Variants in SMOC2 observed in about 807,000 individuals in gnomAD.
SMOC2 encodes the protein SPARC related modular calcium binding 2.
In SMOC2, 39 loss-of-function variants were observed where a neutral mutation model predicts 61.4. The ratio of observed to expected loss-of-function variants is 0.64; its 90% CI spans 0.49 to 0.83. The LOEUF is 0.83. SMOC2 is among the 40% of genes least tolerant of loss of function. The probability of loss-of-function intolerance (pLI) is 0.00; values close to 1 mark genes in which losing one functional copy is unlikely to be tolerated. For missense variants in SMOC2, 556 were observed against 592.9 expected (o/e 0.94, Z 0.65); for synonymous variants, 247 against 239.9 (o/e 1.03, Z -0.27).
chr6:168,466,755 G>A (rs896806834), intron 1 of SMOC2, among the ~76,000 whole-genome samples: 2 of 152,246 alleles, frequency 1.3e-5, no homozygotes, highest in Non-Finnish European at 2.9e-5. Flanking sequence ...GGCCAAGGCC[G>A]GTGGAGGGAG....
intron 7 of SMOC2, among the ~76,000 whole-genome samples, chr6:168,591,104 C>T (rs980877586): frequency 1.3e-5 from 2 of 152,190 alleles, no homozygotes. Context: ...GAATTGAAAT[C>T]ATGTTTCTAT....
At chr6:168,542,157 G>C (rs1783888847) in intron 4 of SMOC2, among the ~76,000 whole-genome samples, 1 of 152,150 alleles carries the variant, frequency 6.6e-6, no homozygotes, top group Admixed American at 6.5e-5. Flanking sequence ...ATAAACTGAT[G>C]ACTGAGAAGC....
chr6:168,599,574 T>C (rs62647331), intron 8 of SMOC2, among the ~76,000 whole-genome samples: 3 of 2,042 alleles, frequency 1.5e-3, no homozygotes, highest in South Asian at 0.019. Context: ...ACACCCACAC[T>C]CATACCACAC....
intron 7 of SMOC2, among the ~76,000 whole-genome samples, chr6:168,577,905 T>C (rs1219774992): frequency 2.0e-5 from 3 of 152,164 alleles, no homozygotes; most frequent in African/African-American, 7.2e-5. Flanking sequence ...TCCCACTGAA[T>C]CCATCTTTTT....
chr6:168,458,009 A>G (rs1162348717), intron 1 of SMOC2, among the ~76,000 whole-genome samples: 1 of 152,138 alleles, frequency 6.6e-6, no homozygotes, highest in African/African-American at 2.4e-5. Context: ...GCTGCGAGAC[A>G]CACTCTCACG....
intron 1 of SMOC2, among the ~76,000 whole-genome samples, chr6:168,502,895 T>C (rs1782767900): frequency 6.6e-6 from 1 of 151,250 alleles, no homozygotes; most frequent in Admixed American, 6.6e-5. Flanking sequence ...GCCTCCTGAG[T>C]AGCTGGGATT....
chr6:168,598,977 G>A lies in SMOC2; in HGVS notation c.797G>A (p.Gly266Glu), dbSNP rs760601817. The A allele has an allele frequency of 3.1e-6, 5 of 1,610,960 alleles. No individual in the cohort carries two copies. The highest frequency in any genetic ancestry group is 2.2e-5 in the South Asian group (2 of 90,890). ...GYCWCVLVDT[G>E]RPIPGTSTRY... ...TGCTGGTGCGTCCTGGTGGACACGG[G>A]GCGCCCCATTCCCGGCACATCCACA... Residue 266 changes from glycine (G) to glutamate (E), a missense_variant, in exon 8 of 13, where the codon GGG (glycine) becomes GAG (glutamate). Transcript: ENST00000356284.
chr6:168,576,211 C>A (rs1027264035), intron 7 of SMOC2, among the ~76,000 whole-genome samples: 7 of 152,140 alleles, frequency 4.6e-5, no homozygotes, highest in Non-Finnish European at 4.4e-5. Flanking sequence ...ACATAACACA[C>A]AACCCTTATT....
chr6:168,642,763 A>C (rs1443542188), intron 9 of SMOC2, among the ~76,000 whole-genome samples: 1 of 152,232 alleles, frequency 6.6e-6, no homozygotes, highest in Non-Finnish European at 1.5e-5. Context: ...TCAAAATCAA[A>C]GTGCCTGAAG....
chr6:168,460,765 A>T (rs1248957865), intron 1 of SMOC2, among the ~76,000 whole-genome samples: 1 of 152,218 alleles, frequency 6.6e-6, no homozygotes, highest in Non-Finnish European at 1.5e-5. Flanking sequence ...TACATCCATT[A>T]TGAAGAACTC....
chr6:168,622,213 G>T (rs1241619297), intron 9 of SMOC2, among the ~76,000 whole-genome samples: 1 of 151,988 alleles, frequency 6.6e-6, no homozygotes, highest in Non-Finnish European at 1.5e-5. Context: ...TGATCCACCC[G>T]CCTCGGCCTC....
chr6:168,581,252 C>G (rs55739531), intron 7 of SMOC2, among the ~76,000 whole-genome samples: 41,215 of 151,964 alleles, frequency 0.27, 5,684 homozygotes, highest in Middle Eastern at 0.41. Context: ...AAAAAGAGAA[C>G]CACGAAATTT....
chr6:168,575,070 T>C (rs1784764347), intron 7 of SMOC2, among the ~76,000 whole-genome samples: 2 of 152,140 alleles, frequency 1.3e-5, no homozygotes, highest in Non-Finnish European at 2.9e-5. Context: ...ACCCTTGGTC[T>C]GGGAGGCGGG....
At position 168,648,150 on chromosome 6, in the gene SMOC2, G is replaced by T. The variant is rs1041164264; in HGVS notation, c.908-2531G>T. On this transcript the variant is annotated intron_variant, in intron 9 of 12. Coordinates refer to ENST00000356284, the MANE Select transcript of SMOC2 (RefSeq NM_001166412.2). The stretch of plus-strand genomic sequence containing the variant: ...TTTCTTAAAGCTGTTCAGTACTGAG[G>T]ATTATCTAAAACGCCTTTTCTCCCA... Among the ~76,000 whole-genome samples the T allele has an allele frequency of 1.4e-4, 21 of 152,296 alleles. 1 individual carries two copies. Among genetic ancestry groups the T allele is most frequent in the African/African-American group, 4.8e-4 (20 of 41,566 alleles).
intron 8 of SMOC2, among the ~76,000 whole-genome samples, chr6:168,603,149 T>A (rs1347617648): frequency 1.3e-5 from 2 of 151,782 alleles, no homozygotes; most frequent in African/African-American, 4.8e-5. Context: ...CCTGCCGCCC[T>A]GTGAAAGGGT....
intron 1 of SMOC2, among the ~76,000 whole-genome samples, chr6:168,507,708 C>T (rs761050723): frequency 6.6e-6 from 1 of 152,254 alleles, no homozygotes; most frequent in Non-Finnish European, 1.5e-5. Flanking sequence ...CATCTCTGCC[C>T]TCTTTAAGTG....
chr6:168,492,211 A>G (rs1032543044), intron 1 of SMOC2, among the ~76,000 whole-genome samples: 3 of 152,248 alleles, frequency 2.0e-5, no homozygotes, highest in Non-Finnish European at 2.9e-5. Context: ...TGTATTTAAA[A>G]TGGAAGTTTC....
intron 9 of SMOC2, among the ~76,000 whole-genome samples, chr6:168,635,655 G>A (rs1003844308): frequency 6.6e-6 from 1 of 152,156 alleles, no homozygotes; most frequent in Non-Finnish European, 1.5e-5. Flanking sequence ...TAGATCACTT[G>A]AGGCCAAGAG....
At chr6:168,504,992 C>A (rs1359192823) in intron 1 of SMOC2, among the ~76,000 whole-genome samples, 1 of 152,232 alleles carries the variant, frequency 6.6e-6, no homozygotes, top group Non-Finnish European at 1.5e-5. Context: ...CAGCTAACTT[C>A]CATCAGATGC....
Sources: allele counts gnomAD v4.1 joint callset (sites outside exome capture counted in the v4.1 genomes callset), GRCh38; gene constraint gnomAD v4.1.1; transcripts MANE v1.5; gene names NCBI Gene and HGNC (gene_info 2026-07-23, HGNC 2026-07-21).